The following CDH20 variants were observed in gnomAD, a reference collection of about 807,000 sequenced individuals.
CDH20 encodes the protein cadherin 20.
CDH20 carries 29 observed loss-of-function variants against 74.2 expected under a neutral mutation model. That is an observed-to-expected ratio of 0.39 (90% confidence interval 0.29 to 0.53). The LOEUF (loss-of-function observed/expected upper bound fraction) is 0.53, where lower values mean the gene tolerates loss of function less well. Among genes scored for constraint, CDH20 ranks in the 20% least tolerant of loss-of-function variants. The pLI is 0.69. For synonymous variants in CDH20, 469 were observed against 405.4 expected (o/e 1.16, Z -1.88); for missense variants, 988 against 1,048.3 (o/e 0.94, Z 0.79).
At chr18:61,378,698 A>G (rs920887000) in intron 1 of CDH20, among the ~76,000 whole-genome samples, 1 of 152,232 alleles carries the variant, frequency 6.6e-6, no homozygotes, top group Non-Finnish European at 1.5e-5. Flanking sequence ...ACTGGTGACT[A>G]TTCTTTTTGT....
In CDH20 at chr18:61,555,692, T is replaced by C; in HGVS notation, c.*997T>C. 1.0e-6 allele frequency: 1 copy of C among 964,648 alleles called. No individual in the cohort carries two copies. Among genetic ancestry groups the C allele is most frequent in the Non-Finnish European group, 1.2e-6 (1 of 810,936 alleles). 59.8% of individuals were successfully genotyped at this position (964,648 alleles called of 1,614,324 possible). On this transcript the variant is annotated 3_prime_UTR_variant, in exon 12 of 12. Transcript: ENST00000262717. The stretch of plus-strand genomic sequence containing the variant: ...GAAAATTACATGTACAAGTTTTGTA[T>C]ATTTGTTAATAATTTTGGTAATAAA...
chr18:61,477,842 T>C (rs1910446104), intron 1 of CDH20, among the ~76,000 whole-genome samples: 1 of 152,166 alleles, frequency 6.6e-6, no homozygotes, highest in African/African-American at 2.4e-5. Flanking sequence ...TTTTTAATGT[T>C]TGCTAATTTA....
chr18:61,495,559 C>T (rs1911107594), intron 2 of CDH20, among the ~76,000 whole-genome samples: 2 of 152,192 alleles, frequency 1.3e-5, no homozygotes, highest in Admixed American at 1.3e-4. Context: ...ATCACACCTA[C>T]TTCTAAGAGG....
intron 1 of CDH20, among the ~76,000 whole-genome samples, chr18:61,339,681 ATTTTTTTTTTT>A (rs898945778): frequency 9.0e-5 from 8 of 88,420 alleles, no homozygotes; most frequent in Non-Finnish European, 1.7e-4. Flanking sequence ...GGTCATAGAA[ATTTTTTTTTTT>A]TTTTTTTTTT....
intron 1 of CDH20, among the ~76,000 whole-genome samples, chr18:61,417,866 TAC>T (rs1288823983): frequency 6.6e-6 from 1 of 152,182 alleles, no homozygotes; most frequent in Non-Finnish European, 1.5e-5. Context: ...CTACCTCAGT[TAC>T]ACACATAGGC....
chr18:61,454,828 T>A (rs765317870), intron 1 of CDH20, among the ~76,000 whole-genome samples: 8 of 152,238 alleles, frequency 5.3e-5, no homozygotes, highest in Non-Finnish European at 1.0e-4. Context: ...TAAAACAGCA[T>A]CCTCGGGGTT....
At chr18:61,514,091 G>A (rs376818871) in intron 6 of CDH20, among the ~76,000 whole-genome samples, 4 of 152,316 alleles carry the variant, frequency 2.6e-5, no homozygotes, top group Admixed American at 6.5e-5. Context: ...ATCCTGCAGC[G>A]TGTTTTCCAA....
At chr18:61,406,618 C>T (rs908856524) in intron 1 of CDH20, among the ~76,000 whole-genome samples, 2 of 152,180 alleles carry the variant, frequency 1.3e-5, no homozygotes, top group Non-Finnish European at 2.9e-5. Context: ...GTGATAGAAT[C>T]CCTGGAAGGG....
chr18:61,384,455 T>A (rs970741255), intron 1 of CDH20, among the ~76,000 whole-genome samples: 2 of 152,220 alleles, frequency 1.3e-5, no homozygotes, highest in African/African-American at 4.8e-5. Flanking sequence ...ACCAGTGTGC[T>A]GTCTTACAAT....
chr18:61,386,477 T>A (rs937165873), intron 1 of CDH20, among the ~76,000 whole-genome samples: 1 of 152,194 alleles, frequency 6.6e-6, no homozygotes, highest in Non-Finnish European at 1.5e-5. Flanking sequence ...AGAAATAAAT[T>A]TCTGTTGTTG....
chr18:61,359,199 A>G (rs1599034961), intron 1 of CDH20, among the ~76,000 whole-genome samples: 1 of 152,124 alleles, frequency 6.6e-6, no homozygotes, highest in South Asian at 2.1e-4. Flanking sequence ...GATGTTCCTT[A>G]TTCCATCTAC....
chr18:61,444,340 A>T (rs1454130498), intron 1 of CDH20, among the ~76,000 whole-genome samples: 2 of 152,178 alleles, frequency 1.3e-5, no homozygotes, highest in African/African-American at 2.4e-5. Context: ...ACAATTTTTT[A>T]AAAATGTTTC....
intron 1 of CDH20, among the ~76,000 whole-genome samples, chr18:61,340,522 C>T (rs956411369): frequency 5.9e-5 from 9 of 152,016 alleles, no homozygotes; most frequent in Non-Finnish European, 1.3e-4. Context: ...CCGCTTTCCC[C>T]CAGTAATTTA....
chr18:61,544,698 G>A (rs888995316), intron 9 of CDH20, among the ~76,000 whole-genome samples: 8 of 152,134 alleles, frequency 5.3e-5, no homozygotes, highest in African/African-American at 1.7e-4. Flanking sequence ...CCAGCTGCTT[G>A]TGTCTGTGCC....
chr18:61,339,751 G>A (rs1171107376), intron 1 of CDH20, among the ~76,000 whole-genome samples: 1 of 135,028 alleles, frequency 7.4e-6, no homozygotes, highest in Admixed American at 8.2e-5. Flanking sequence ...GCAGTGGCAT[G>A]ATCTTGGCTC....
intron 1 of CDH20, among the ~76,000 whole-genome samples, chr18:61,408,900 AAAGAT>A (rs1912411101): frequency 6.6e-6 from 1 of 152,234 alleles, no homozygotes; most frequent in South Asian, 2.1e-4. Context: ...AGTATGGATA[AAAGAT>A]AATACTAATA....
intron 4 of CDH20, among the ~76,000 whole-genome samples, chr18:61,502,412 TAAC>T (rs1348170541): frequency 6.6e-6 from 1 of 152,090 alleles, no homozygotes; most frequent in Non-Finnish European, 1.5e-5. Context: ...AATGAATATG[TAAC>T]AACAGGAAAA....
At chr18:61,373,127 C>T (rs1911099394) in intron 1 of CDH20, among the ~76,000 whole-genome samples, 1 of 151,646 alleles carries the variant, frequency 6.6e-6, no homozygotes, top group Admixed American at 6.6e-5. Context: ...GCAAAGTTGT[C>T]TTACACAGAT....
At chr18:61,396,762 C>G (rs1242517137) in intron 1 of CDH20, among the ~76,000 whole-genome samples, 1 of 152,228 alleles carries the variant, frequency 6.6e-6, no homozygotes, top group Non-Finnish European at 1.5e-5. Context: ...TTCTGAGCCT[C>G]TATCCTGCAG....
Sources: gnomAD v4.1 joint callset for allele counts (sites outside exome capture counted in the v4.1 genomes callset) on GRCh38, gnomAD v4.1.1 for gene constraint, MANE v1.5 for transcripts, NCBI Gene and HGNC (gene_info 2026-07-23, HGNC 2026-07-21) for gene names.